CDH12: variants seen among roughly 807,000 people sequenced by gnomAD.
CDH12 encodes the protein cadherin 12.
Under a neutral mutation model 74.1 loss-of-function variants are expected in CDH12, and 41 were observed. That is an observed-to-expected ratio of 0.55 (90% CI 0.43 to 0.72). The LOEUF (loss-of-function observed/expected upper bound fraction) is 0.72. Ranked by LOEUF, CDH12 falls within the 30% of genes least tolerant of loss-of-function variation. The probability of loss-of-function intolerance (pLI) is 0.00; values close to 1 mark genes in which losing one functional copy is unlikely to be tolerated. For missense variants in CDH12, 945 were observed against 977.2 expected (o/e 0.97, Z 0.44); for synonymous variants, 399 against 355.0 (o/e 1.12, Z -1.39).
intron 1 of CDH12, among the ~76,000 whole-genome samples, chr5:22,741,907 G>A (rs1745043440): frequency 6.6e-6 from 1 of 152,116 alleles, no homozygotes; most frequent in Non-Finnish European, 1.5e-5. Context: ...CAGACGAGGG[G>A]CAGTGGCTCA....
chr5:22,522,908 T>C (rs1192333154), intron 1 of CDH12, among the ~76,000 whole-genome samples: 1 of 152,156 alleles, frequency 6.6e-6, no homozygotes, highest in Non-Finnish European at 1.5e-5. Flanking sequence ...TTCTTCCCTA[T>C]GTCTTTCACT....
intron 5 of CDH12, among the ~76,000 whole-genome samples, chr5:21,999,350 T>C (rs1355627510): frequency 6.6e-6 from 1 of 152,138 alleles, no homozygotes; most frequent in African/African-American, 2.4e-5. Flanking sequence ...GTATCTAATA[T>C]TGTCTGATTC....
chr5:22,114,131 G>A (rs538557522), intron 4 of CDH12, among the ~76,000 whole-genome samples: 71 of 152,208 alleles, frequency 4.7e-4, no homozygotes, highest in African/African-American at 1.5e-3. Context: ...GGAGCTTTTT[G>A]TTACGCTGCC....
intron 2 of CDH12, among the ~76,000 whole-genome samples, chr5:22,489,165 C>A (rs1369649090): frequency 3.1e-5 from 4 of 130,344 alleles, no homozygotes; most frequent in South Asian, 2.4e-4. Flanking sequence ...TCACGCCATT[C>A]TCCTGCCTCA....
chr5:22,019,315 C>T (rs1737810832), intron 5 of CDH12, among the ~76,000 whole-genome samples: 1 of 152,056 alleles, frequency 6.6e-6, no homozygotes, highest in Non-Finnish European at 1.5e-5. Flanking sequence ...AATTTTTAGG[C>T]ATGATTTTTT....
intron 6 of CDH12, among the ~76,000 whole-genome samples, chr5:21,916,575 A>C (rs1447120965): frequency 1.3e-5 from 2 of 151,556 alleles, no homozygotes; most frequent in East Asian, 3.9e-4. Flanking sequence ...GAAGAACACG[A>C]TTTACTTCTG....
intron 1 of CDH12, among the ~76,000 whole-genome samples, chr5:22,835,731 T>C (rs1241553358): frequency 1.3e-5 from 2 of 152,222 alleles, no homozygotes; most frequent in Non-Finnish European, 2.9e-5. Context: ...TATTTATTTC[T>C]CACTCATCCA....
chr5:22,850,579 T>C (rs1737504159), intron 1 of CDH12, among the ~76,000 whole-genome samples: 1 of 152,126 alleles, frequency 6.6e-6, no homozygotes, highest in African/African-American at 2.4e-5. Context: ...TATCAATTGG[T>C]ACTAGATTAT....
In CDH12 at chr5:22,736,558, G is replaced by GT. The variant is rs142148882; in HGVS notation, c.-523+116499dup. Among the ~76,000 whole-genome samples, 1,135 of 149,264 alleles carry GT rather than the reference G, an allele frequency of 7.6e-3. 16 individuals carry two copies. Among genetic ancestry groups the GT allele is most frequent in the African/African-American group, 0.027 (1,080 of 40,720 alleles). On this transcript the variant is annotated intron_variant, in intron 1 of 14. Transcript: ENST00000382254. Reference sequence around the variant, plus strand: ...AAGTATGTTGTCTGTTAGAGTCAGCGTTTTTTTTTACTTGAAAATTTATTT... The same window carrying GT: ...AAGTATGTTGTCTGTTAGAGTCAGCGTTTTTTTTTTACTTGAAAATTTATTT...
At chr5:22,665,096 A>G (rs73742153) in intron 1 of CDH12, among the ~76,000 whole-genome samples, 13,248 of 152,082 alleles carry the variant, frequency 0.087, 929 homozygotes, top group African/African-American at 0.17. Flanking sequence ...CTGGAATTAT[A>G]GGTGTGCACC....
chr5:22,642,667 T>A lies in CDH12; in HGVS notation c.-522-137303A>T, dbSNP rs139494572. The stretch of plus-strand genomic sequence containing the variant: ...AGTCGACAATTTGACCATTTTGTTA[T>A]ATTTTATTTTTTAAAAATTGGAATA... On this transcript the variant is annotated intron_variant, in intron 1 of 14. Coordinates refer to ENST00000382254, the MANE Select transcript of CDH12 (RefSeq NM_004061.5). Among the ~76,000 whole-genome samples, 552 of 152,264 alleles carry A rather than the reference T, an allele frequency of 3.6e-3. 1 individual carries two copies. The highest frequency in any genetic ancestry group is 0.01 in the African/African-American group (426 of 41,562).
chr5:21,773,578 A>G (rs888569758), intron 11 of CDH12, among the ~76,000 whole-genome samples: 1 of 152,074 alleles, frequency 6.6e-6, no homozygotes, highest in African/African-American at 2.4e-5. Context: ...GAACGCTGCA[A>G]CTATTGCCTT....
chr5:22,314,198 C>A (rs1738513567), intron 3 of CDH12, among the ~76,000 whole-genome samples: 1 of 151,892 alleles, frequency 6.6e-6, no homozygotes, highest in South Asian at 2.1e-4. Context: ...GCTAAGGAAC[C>A]CGGATGTAAC....
At chr5:22,043,328 G>A (rs987697512) in intron 5 of CDH12, among the ~76,000 whole-genome samples, 1 of 152,064 alleles carries the variant, frequency 6.6e-6, no homozygotes, top group Non-Finnish European at 1.5e-5. Context: ...TACATTGACA[G>A]AATAAATGAC....
chr5:22,802,216 G>A (rs1246815652), intron 1 of CDH12, among the ~76,000 whole-genome samples: 1 of 150,398 alleles, frequency 6.6e-6, no homozygotes, highest in Non-Finnish European at 1.5e-5. Context: ...CTGCCTCCTG[G>A]GTTCACGCCA....
intron 9 of CDH12, among the ~76,000 whole-genome samples, chr5:21,804,557 A>G (rs1319837119): frequency 1.3e-5 from 2 of 151,944 alleles, no homozygotes. Context: ...GTGAATTAAT[A>G]GTAATTTGAG....
At chr5:22,709,336 C>A (rs1423714911) in intron 1 of CDH12, among the ~76,000 whole-genome samples, 1 of 151,992 alleles carries the variant, frequency 6.6e-6, no homozygotes, top group Non-Finnish European at 1.5e-5. Flanking sequence ...TGTGTGTATG[C>A]ACCTAAAAAA....
intron 1 of CDH12, among the ~76,000 whole-genome samples, chr5:22,599,091 T>C (rs1736732036): frequency 6.6e-6 from 1 of 152,220 alleles, no homozygotes; most frequent in Non-Finnish European, 1.5e-5. Context: ...TCATGAGATG[T>C]AGGCCCACAC....
chr5:21,782,216 C>T (rs912796879), intron 11 of CDH12, among the ~76,000 whole-genome samples: 1 of 152,166 alleles, frequency 6.6e-6, no homozygotes, highest in African/African-American at 2.4e-5. Context: ...GTATGGCAGC[C>T]TCTGGGTAGT....
Sources: allele counts gnomAD v4.1 joint callset (sites outside exome capture counted in the v4.1 genomes callset), GRCh38; gene constraint gnomAD v4.1.1; transcripts MANE v1.5; gene names NCBI Gene and HGNC (gene_info 2026-07-23, HGNC 2026-07-21).